Variants in CTBP1 observed in about 807,000 individuals in gnomAD.
The protein encoded by CTBP1 is C-terminal-binding protein 1.
Under a neutral mutation model 42.1 loss-of-function variants are expected in CTBP1, and 11 were observed. The observed-to-expected ratio is 0.26, with a 90% confidence interval of 0.16 to 0.43. CTBP1 has a LOEUF of 0.43. Ranked by LOEUF, CTBP1 falls within the 20% of genes least tolerant of loss-of-function variation. The pLI is 1.00. For synonymous variants in CTBP1, 324 were observed against 277.1 expected (o/e 1.17, Z -1.68); for missense variants, 399 against 624.3 (o/e 0.64, Z 3.85).
At chr4:1,242,262 C>CG (rs1171895609) in intron 1 of CTBP1, 2 of 985,294 alleles carry the variant, frequency 2.0e-6, no homozygotes, top group East Asian at 2.3e-4. Context: ...GCCCAGCCCT[C>CG]GGGAGGGTGT....
At chr4:1,218,851 A>G (rs1186963541) in intron 5 of CTBP1, among the ~76,000 whole-genome samples, 2 of 152,240 alleles carry the variant, frequency 1.3e-5, no homozygotes, top group Admixed American at 6.5e-5. Context: ...CCTGATTAAT[A>G]TAAAAGAAGG....
At chr4:1,249,404 C>T (rs1315435671), upstream of CTBP1, 2 of 152,448 alleles carry the variant, frequency 1.3e-5, no homozygotes, top group Admixed American at 1.3e-4. Context: ...CGCCGTCCGC[C>T]CCGAGGACCC....
intron 5 of CTBP1, among the ~76,000 whole-genome samples, chr4:1,220,623 C>A (rs1729632571): frequency 6.6e-6 from 1 of 152,262 alleles, no homozygotes; most frequent in African/African-American, 2.4e-5. Flanking sequence ...CACAGCCGTG[C>A]AGACAGCGTC....
rs1489021741 is a variant in CTBP1 at position 1,219,910 on chromosome 4, G to A, written c.515-3705C>T. Among the ~76,000 whole-genome samples, 6 of 152,340 alleles carry A rather than the reference G, an allele frequency of 3.9e-5. 1 individual carries two copies. Among genetic ancestry groups the A allele is most frequent in the African/African-American group, 7.2e-5 (3 of 41,582 alleles). On this transcript the variant is annotated intron_variant, in intron 5 of 9. Coordinates refer to ENST00000382952, the MANE Select transcript of CTBP1 (RefSeq NM_001012614.2). ...TATTTCTACCTACTAATAACCAACT[G>A]TCAAGAAACAATTAGGCCGGGCACA...
intron 5 of CTBP1, chr4:1,221,752 G>A (rs1187783078): frequency 4.9e-6 from 2 of 406,030 alleles, no homozygotes; most frequent in Non-Finnish European, 9.8e-6. Flanking sequence ...AAGGGGGCCC[G>A]AGGGAGCTGT....
intron 1 of CTBP1, chr4:1,242,744 T>C: frequency 1.0e-6 from 1 of 985,410 alleles, no homozygotes; most frequent in Non-Finnish European, 1.2e-6. Flanking sequence ...TGACCTGCGC[T>C]GCAGCCTCCT....
At chr4:1,225,054 A>T (rs1296620509) in intron 5 of CTBP1, among the ~76,000 whole-genome samples, 1 of 150,428 alleles carries the variant, frequency 6.6e-6, no homozygotes, top group African/African-American at 2.5e-5. Flanking sequence ...CGTGTGTGTT[A>T]TCTGCATGTG....
intron 5 of CTBP1, among the ~76,000 whole-genome samples, chr4:1,218,914 A>G (rs1372981733): frequency 1.3e-5 from 2 of 152,366 alleles, no homozygotes; most frequent in East Asian, 3.9e-4. Flanking sequence ...ATGACACCGA[A>G]ATCCAAATCA....
chr4:1,246,281 G>A (rs974097828), intron 1 of CTBP1, among the ~76,000 whole-genome samples: 22 of 151,718 alleles, frequency 1.5e-4, no homozygotes, highest in South Asian at 2.1e-4. Context: ...CGCTCCACCC[G>A]GCGCTCCGAC....
At chr4:1,213,149 C>T (rs570463882) in intron 8 of CTBP1, 119 bp from the exon 9 acceptor site, 22 of 934,366 alleles carry the variant, frequency 2.4e-5, no homozygotes, top group African/African-American at 1.6e-4. Context: ...CTCTCAGCCC[C>T]GGGGCTCCCA....
At chr4:1,213,705 T>G in intron 7 of CTBP1, 100 bp from the exon 8 acceptor site, 1 of 1,467,408 alleles carries the variant, frequency 6.8e-7, no homozygotes, top group Non-Finnish European at 9.1e-7. Context: ...GGGCCCTGCC[T>G]GGGAACCACA....
At chr4:1,225,820 T>G (rs1052439771) in intron 4 of CTBP1, among the ~76,000 whole-genome samples, 88 of 152,126 alleles carry the variant, frequency 5.8e-4, no homozygotes, top group African/African-American at 2.0e-3. Flanking sequence ...CGGTGTGTGG[T>G]AGGGCTGGGG....
chr4:1,228,437 T>C lies in CTBP1; in HGVS notation c.163-94A>G, dbSNP rs1403081462. On this transcript the variant is annotated intron_variant, in intron 3 of 9. Transcript: ENST00000382952. ...GGCTGCCCCGGCTGGGAAATTAGCC[T>C]GTGGCCCTCAGGCTTGTTCCCCAAG... is the stretch of plus-strand genomic sequence containing the variant. The C allele has an allele frequency of 5.4e-6, 8 of 1,476,934 alleles. No individual in the cohort carries two copies. The African/African-American group carries it at 8.4e-5, about 15-fold the overall frequency. 91.5% of individuals were successfully genotyped at this position (1,476,934 alleles called of 1,614,324 possible). A position where few individuals can be genotyped will look rare whatever the true frequency, so the allele number is the denominator to read the frequency against.
intron 1 of CTBP1, among the ~76,000 whole-genome samples, chr4:1,247,764 G>A (rs1361548111): frequency 8.7e-6 from 1 of 114,288 alleles, no homozygotes; most frequent in Non-Finnish European, 2.1e-5. Context: ...GGAGAGGCCG[G>A]GGAGGGGGGG....
Position 1,248,957 on chromosome 4 carries a change from G to T in CTBP1, c.-230C>A, listed in dbSNP as rs773219537. The T allele has an allele frequency of 4.6e-5, 46 of 1,003,076 alleles. No individual in the cohort carries two copies. The highest frequency in any genetic ancestry group is 6.7e-5 in the South Asian group (2 of 29,814). 62.1% of individuals were successfully genotyped at this position (1,003,076 alleles called of 1,614,324 possible). A position where few individuals can be genotyped will look rare whatever the true frequency, so the allele number is the denominator to read the frequency against. ...GTTGAGCAAGTGCGAGCTGCCCATC[G>T]AGAGGCGCGAGCGGCCGCGGGCCCC... On this transcript the variant is annotated 5_prime_UTR_variant, in exon 1 of 10. Coordinates refer to ENST00000382952, the MANE Select transcript of CTBP1 (RefSeq NM_001012614.2).
At chr4:1,243,407 G>A in intron 1 of CTBP1, 1 of 985,348 alleles carries the variant, frequency 1.0e-6, no homozygotes, top group Non-Finnish European at 1.2e-6. Flanking sequence ...CTGAGGGGCT[G>A]CACCCCATGC....
chr4:1,218,118 T>G (rs989290373), intron 5 of CTBP1: 2 of 152,070 alleles, frequency 1.3e-5, no homozygotes, highest in African/African-American at 4.8e-5. Context: ...AAAATAAATT[T>G]TAAAGAACAG....
intron 3 of CTBP1, among the ~76,000 whole-genome samples, chr4:1,234,467 G>A (rs1394238087): frequency 3.3e-5 from 5 of 152,200 alleles, no homozygotes; most frequent in Admixed American, 1.3e-4. Context: ...GTGTATTTAT[G>A]TTGTCCTTTC....
intron 1 of CTBP1, chr4:1,244,828 C>T: frequency 2.0e-6 from 2 of 985,444 alleles, no homozygotes; most frequent in Non-Finnish European, 2.4e-6. Flanking sequence ...GCTGTCCAGG[C>T]CTGGAGGCCC....
Sources: allele counts gnomAD v4.1 joint callset (sites outside exome capture counted in the v4.1 genomes callset), GRCh38; gene constraint gnomAD v4.1.1; transcripts MANE v1.5; gene names NCBI Gene and HGNC (gene_info 2026-07-23, HGNC 2026-07-21).